Variants in MACROD2 observed in about 807,000 individuals in gnomAD.
MACROD2 encodes ADP-ribose glycohydrolase MACROD2.
MACROD2 carries 36 observed loss-of-function variants against 70.4 expected under a neutral mutation model. The observed-to-expected ratio is 0.51, with a 90% confidence interval of 0.39 to 0.68. The LOEUF (loss-of-function observed/expected upper bound fraction) is 0.68. Among genes scored for constraint, MACROD2 ranks in the 30% least tolerant of loss-of-function variants. MACROD2 has a pLI of 0.00. For missense variants in MACROD2, 496 were observed against 538.4 expected (o/e 0.92, Z 0.78); for synonymous variants, 172 against 178.8 (o/e 0.96, Z 0.30).
chr20:14,608,433 C>A (rs931704102), intron 4 of MACROD2, among the ~76,000 whole-genome samples: 2 of 152,164 alleles, frequency 1.3e-5, no homozygotes, highest in African/African-American at 4.8e-5. Flanking sequence ...AGGCATTTCT[C>A]ATTCCAAGTT....
intron 7 of MACROD2, among the ~76,000 whole-genome samples, chr20:15,451,385 A>C (rs545604819): frequency 6.7e-6 from 1 of 149,336 alleles, no homozygotes; most frequent in Non-Finnish European, 1.5e-5. Context: ...AGGATCTAAG[A>C]CACATGAGCA....
intron 6 of MACROD2, among the ~76,000 whole-genome samples, chr20:15,424,747 G>A (rs1013978872): frequency 6.6e-6 from 1 of 151,806 alleles, no homozygotes; most frequent in Non-Finnish European, 1.5e-5. Flanking sequence ...GGGAAAGAAT[G>A]GTATTCTGAA....
At chr20:15,108,916 A>AC (rs2075932990) in intron 5 of MACROD2, among the ~76,000 whole-genome samples, 1 of 152,068 alleles carries the variant, frequency 6.6e-6, no homozygotes, top group Admixed American at 6.6e-5. Context: ...CAGAACAAGG[A>AC]CCCCATGCCA....
intron 8 of MACROD2, among the ~76,000 whole-genome samples, chr20:15,793,864 T>G (rs1251535644): frequency 1.4e-5 from 2 of 147,418 alleles, no homozygotes; most frequent in Non-Finnish European, 3.0e-5. Context: ...TTTTATTATA[T>G]TATATTAAGA....
At chr20:15,392,769 T>G (rs1424212909) in intron 6 of MACROD2, among the ~76,000 whole-genome samples, 1 of 152,142 alleles carries the variant, frequency 6.6e-6, no homozygotes, top group Non-Finnish European at 1.5e-5. Context: ...TTTTCTTCTT[T>G]CCTCTCTCCC....
At chr20:15,108,019 T>A (rs576866529) in intron 5 of MACROD2, among the ~76,000 whole-genome samples, 20 of 151,882 alleles carry the variant, frequency 1.3e-4, no homozygotes, top group African/African-American at 2.9e-4. Flanking sequence ...ATTATTTTTT[T>A]AAAAATCAAT....
At chr20:14,341,357 G>A (rs1266796314) in intron 3 of MACROD2, among the ~76,000 whole-genome samples, 3 of 152,212 alleles carry the variant, frequency 2.0e-5, no homozygotes, top group African/African-American at 7.2e-5. Context: ...AAACAGTTTG[G>A]ATGGGCGCAG....
intron 8 of MACROD2, among the ~76,000 whole-genome samples, chr20:15,829,711 A>C (rs1238466618): frequency 1.3e-5 from 2 of 152,170 alleles, no homozygotes; most frequent in Non-Finnish European, 2.9e-5. Flanking sequence ...ACACAGAGAA[A>C]GCATTCTCCA....
intron 5 of MACROD2, among the ~76,000 whole-genome samples, chr20:14,930,164 A>AAAAAAAAAAAAAAG (rs2074280955): frequency 6.6e-6 from 1 of 151,596 alleles, no homozygotes; most frequent in African/African-American, 2.4e-5. Context: ...TCCGTCTCAA[A>AAAAAAAAAAAAAAG]AAAAAAAAAA....
At chr20:14,072,475 T>G (rs1253347575) in intron 2 of MACROD2, among the ~76,000 whole-genome samples, 5 of 152,084 alleles carry the variant, frequency 3.3e-5, no homozygotes, top group African/African-American at 1.2e-4. Context: ...ATGGGCTGCC[T>G]GGGTTCAAAT....
At chr20:14,823,712 T>A (rs149279837) in intron 5 of MACROD2, among the ~76,000 whole-genome samples, 5 of 152,150 alleles carry the variant, frequency 3.3e-5, no homozygotes, top group Admixed American at 3.3e-4. Flanking sequence ...CGGGAAGGCT[T>A]GGGATGCTAG....
chr20:14,168,190 ATGAG>A lies in MACROD2; in HGVS notation c.271+82468_271+82471del, dbSNP rs375573976. Among the ~76,000 whole-genome samples, 70 of 152,360 alleles carry A rather than the reference ATGAG, an allele frequency of 4.6e-4. No individual in the cohort carries two copies. The South Asian group carries it at 4.8e-3, about 10-fold the overall frequency. On this transcript the variant is annotated intron_variant, in intron 3 of 17. Transcript: ENST00000684519. ...TAGAGGAAGTTATACTTGTAAAATT[ATGAG>A]TGAGTAAGTGACCTACAAACACATA... is the stretch of plus-strand genomic sequence containing the variant.
intron 4 of MACROD2, among the ~76,000 whole-genome samples, chr20:14,549,059 C>T (rs1978473819): frequency 1.3e-5 from 2 of 152,200 alleles, no homozygotes; most frequent in African/African-American, 2.4e-5. Context: ...CAAAGAGACA[C>T]ATGTTCTAGA....
At chr20:15,945,205 G>A (rs966745998) in intron 12 of MACROD2, among the ~76,000 whole-genome samples, 11 of 152,062 alleles carry the variant, frequency 7.2e-5, no homozygotes, top group African/African-American at 2.7e-4. Context: ...ACAGTAGGAG[G>A]CTCAATTTTT....
chr20:15,452,345 G>A (rs2046654945), intron 7 of MACROD2, among the ~76,000 whole-genome samples: 1 of 152,088 alleles, frequency 6.6e-6, no homozygotes, highest in Admixed American at 6.6e-5. Context: ...GATCCTGAGA[G>A]GTAGATGCTG....
intron 6 of MACROD2, among the ~76,000 whole-genome samples, chr20:15,397,300 T>C (rs2146302280): frequency 6.6e-6 from 1 of 152,156 alleles, no homozygotes; most frequent in South Asian, 2.1e-4. Context: ...TCTTTTTAAT[T>C]TTTTTTTATT....
At chr20:14,970,233 C>T (rs1373971159) in intron 5 of MACROD2, among the ~76,000 whole-genome samples, 2 of 152,082 alleles carry the variant, frequency 1.3e-5, no homozygotes, top group Non-Finnish European at 2.9e-5. Context: ...TCTACCAGGT[C>T]CCTCCCATGA....
At chr20:14,268,583 G>A (rs1231797442) in intron 3 of MACROD2, among the ~76,000 whole-genome samples, 1 of 151,966 alleles carries the variant, frequency 6.6e-6, no homozygotes, top group Non-Finnish European at 1.5e-5. Context: ...TATTTCATAG[G>A]TTATGCTCTA....
intron 2 of MACROD2, among the ~76,000 whole-genome samples, chr20:14,055,609 G>A (rs1004389397): frequency 1.3e-5 from 2 of 151,902 alleles, no homozygotes; most frequent in Non-Finnish European, 2.9e-5. Context: ...CCTGTCCAGA[G>A]TTCTTACTGG....
Sources: allele counts gnomAD v4.1 joint callset (sites outside exome capture counted in the v4.1 genomes callset), GRCh38; gene constraint gnomAD v4.1.1; transcripts MANE v1.5; gene names NCBI Gene and HGNC (gene_info 2026-07-23, HGNC 2026-07-21).